The following SNX27 variants were observed in gnomAD, a reference collection of about 807,000 sequenced individuals.
The protein encoded by SNX27 is sorting nexin-27.
SNX27 carries 22 observed loss-of-function variants against 71.6 expected under a neutral mutation model. The observed-to-expected ratio is 0.31, with a 90% CI of 0.22 to 0.44. The LOEUF is 0.44. SNX27 is among the 20% of genes least tolerant of loss of function. The pLI, the probability that SNX27 is intolerant of heterozygous loss-of-function variation, is 1.00. For missense variants in SNX27, 531 were observed against 698.6 expected (o/e 0.76, Z 2.70); for synonymous variants, 269 against 277.2 (o/e 0.97, Z 0.29).
intron 2 of SNX27, among the ~76,000 whole-genome samples, chr1:151,642,450 C>T (rs1438620517): frequency 6.6e-6 from 1 of 151,416 alleles, no homozygotes; most frequent in East Asian, 1.9e-4. Flanking sequence ...TTTTTTAAAA[C>T]AGTATCTTTC....
intron 1 of SNX27, among the ~76,000 whole-genome samples, chr1:151,625,515 A>G (rs73000045): frequency 0.097 from 14,750 of 151,450 alleles, 773 homozygotes; most frequent in South Asian, 0.13. Context: ...CAAAAAAAAA[A>G]AAAGATAAAT....
rs956623837 is a variant in SNX27, at chr1:151,649,910, T to C, written c.544-8325T>C. On this transcript the variant is annotated intron_variant, in intron 2 of 11. Coordinates refer to ENST00000458013, the MANE Select transcript of SNX27 (RefSeq NM_001330723.2). ...ATTTTATTATTTTATTTTTTTGAGA[T>C]GGGGTCTCACTGTGTCTCCCAGGCT... Among the ~76,000 whole-genome samples, 9 of 152,090 alleles carry C rather than the reference T, an allele frequency of 5.9e-5. No individual in the cohort carries two copies. In the South Asian group the frequency reaches 1.0e-3, roughly 18 times the overall value.
intron 1 of SNX27, among the ~76,000 whole-genome samples, chr1:151,617,878 GTTTTTTTTT>G (rs35075644): frequency 1.7e-5 from 2 of 116,388 alleles, no homozygotes; most frequent in Non-Finnish European, 3.6e-5. Context: ...TTTTAGAGCT[GTTTTTTTTT>G]TTTTTTTTTT....
intron 7 of SNX27, among the ~76,000 whole-genome samples, chr1:151,681,233 A>ATTTTTTT (rs1558071789): frequency 2.3e-5 from 2 of 87,370 alleles, no homozygotes; most frequent in Non-Finnish European, 4.5e-5. Flanking sequence ...TAGTCTCTCA[A>ATTTTTTT]TCTTTTTTTT....
At chr1:151,680,936 C>T (rs1430769500) in intron 7 of SNX27, among the ~76,000 whole-genome samples, 1 of 152,144 alleles carries the variant, frequency 6.6e-6, no homozygotes, top group Non-Finnish European at 1.5e-5. Flanking sequence ...GGCTATAATC[C>T]TCGGTGCCTA....
At chr1:151,641,199 G>A (rs1057229603) in intron 2 of SNX27, among the ~76,000 whole-genome samples, 4 of 152,152 alleles carry the variant, frequency 2.6e-5, no homozygotes, top group African/African-American at 9.7e-5. Flanking sequence ...GTAGACATAT[G>A]TTTTCATTGC....
In SNX27 at chr1:151,696,138, A is replaced by G. The variant is rs902565028; in HGVS notation, c.*1721A>G. 6 of 152,234 alleles carry G rather than the reference A, an allele frequency of 3.9e-5. No individual in the cohort carries two copies. Among genetic ancestry groups the G allele is most frequent in the Non-Finnish European group, 8.8e-5 (6 of 68,040 alleles). The allele number at this position is 152,234 out of a possible 1,614,324, so 9.4% of individuals were successfully genotyped here. On this transcript the variant is annotated 3_prime_UTR_variant, in exon 12 of 12. Coordinates refer to ENST00000458013, the MANE Select transcript of SNX27 (RefSeq NM_001330723.2). ...TAAAGAGCTCCTCATCTGATCTTGC[A>G]GCTAGACCCTTTGAGACTTAAGAGC...
At chr1:151,636,666 TAAAAAAA>T (rs11333472) in intron 1 of SNX27, among the ~76,000 whole-genome samples, 1 of 97,562 alleles carries the variant, frequency 1.0e-5, no homozygotes, top group African/African-American at 3.8e-5. Context: ...TCCACTTTTG[TAAAAAAA>T]AAAAAAAAAA....
intron 1 of SNX27, among the ~76,000 whole-genome samples, chr1:151,625,961 T>A (rs1436873331): frequency 1.0e-4 from 15 of 147,794 alleles, no homozygotes; most frequent in South Asian, 6.5e-4. Context: ...AAAAAAAAAA[T>A]AAAATAAAAA....
At position 151,683,238 on chromosome 1, in the gene SNX27, ATGG is replaced by A. The variant is rs1292986889; in HGVS notation, c.1150-113_1150-111del. On this transcript the variant is annotated intron_variant, in intron 7 of 11. Coordinates refer to ENST00000458013, the MANE Select transcript of SNX27 (RefSeq NM_001330723.2). ...CATGTGGCAGAGTTCACTGGTAATG[ATGG>A]TGGTCCAAGTGGATAAGAGATTTTC... The A allele has an allele frequency of 2.6e-5, 18 of 702,654 alleles. No individual in the cohort carries two copies. The African/African-American group carries it at 3.1e-4, about 12-fold the overall frequency. 43.5% of individuals were successfully genotyped at this position (702,654 alleles called of 1,614,324 possible).
intron 2 of SNX27, among the ~76,000 whole-genome samples, chr1:151,645,838 G>A (rs1486372004): frequency 6.6e-6 from 1 of 152,192 alleles, no homozygotes; most frequent in Non-Finnish European, 1.5e-5. Context: ...ATTGCTCCAT[G>A]TTTTGAGTCC....
chr1:151,637,429 C>T (rs913358030), intron 1 of SNX27, among the ~76,000 whole-genome samples: 1 of 152,090 alleles, frequency 6.6e-6, no homozygotes, highest in Non-Finnish European at 1.5e-5. Context: ...CCACCCGCCT[C>T]GGCCTCCCAA....
chr1:151,651,508 T>A (rs1343544036), intron 2 of SNX27, among the ~76,000 whole-genome samples: 1 of 130,226 alleles, frequency 7.7e-6, no homozygotes, highest in Non-Finnish European at 1.6e-5. Context: ...GGGCAGAGGG[T>A]CTCCTCACTT....
In SNX27 at chr1:151,612,175, C is replaced by T. The variant is rs1182794371; in HGVS notation, c.-27C>T. The stretch of plus-strand genomic sequence containing the variant: ...CGGGAGGCCTTGGAGGCGTAGGGGG[C>T]GGGGGTACGGCTCGCCTGCTCGCAA... On this transcript the variant is annotated 5_prime_UTR_variant, in exon 1 of 12. Transcript: ENST00000458013. The surrounding 1 kb of genome is among the most constrained non-coding windows in gnomAD (Gnocchi z 5.2). 3 of 1,324,078 alleles carry T rather than the reference C, an allele frequency of 2.3e-6. No individual in the cohort carries two copies. The South Asian group carries it at 5.8e-5, about 25-fold the overall frequency. The allele number at this position is 1,324,078 out of a possible 1,614,324, so 82.0% of individuals were successfully genotyped here. A position where few individuals can be genotyped will look rare whatever the true frequency, so the allele number is the denominator to read the frequency against.
intron 1 of SNX27, among the ~76,000 whole-genome samples, chr1:151,631,478 C>CG (rs1449020539): frequency 6.6e-5 from 10 of 152,082 alleles, no homozygotes; most frequent in African/African-American, 2.4e-4. Flanking sequence ...AAAATAGAAA[C>CG]AATTTGTAAT....
Position 151,692,963 on chromosome 1 carries a change from A to C in SNX27, c.1442A>C (p.Glu481Ala). The part of the protein sequence containing the change: ...WDEMQRWDTD[E>A]EGMAFCFEYA... ...GAGATGCAGCGATGGGACACAGATG[A>C]AGAAGGGATGGCCTTCTGTTTCGAA... The change falls in exon 10 of 12, where the codon GAA (glutamate) becomes GCA (alanine). Residue 481 changes from glutamate to alanine, a missense_variant. Glu to Ala is a moderately radical substitution (Grantham distance 107). Around this residue, in one of 5 missense-constraint regions of SNX27, gnomAD observed 157 missense variants for 178.4 expected, o/e 0.88. Coordinates refer to ENST00000458013, the MANE Select transcript of SNX27 (RefSeq NM_001330723.2). The C allele has an allele frequency of 6.2e-7, 1 of 1,614,174 alleles. No individual in the cohort carries two copies. Among genetic ancestry groups the C allele is most frequent in the Non-Finnish European group, 8.5e-7 (1 of 1,180,012 alleles).
At chr1:151,613,147 C>T (rs1667270025) in intron 1 of SNX27, 1 of 152,210 alleles carries the variant, frequency 6.6e-6, no homozygotes, top group Non-Finnish European at 1.5e-5. Context: ...CACCGTGTGC[C>T]CCTTTCCTCC....
chr1:151,693,086 G>GT (rs397862798), intron 10 of SNX27, 47 bp downstream of exon 10: 82,458 of 1,346,332 alleles, frequency 0.061, 2,867 homozygotes, highest in East Asian at 0.32. Flanking sequence ...TTGTTTTTTT[G>GT]TTTTTTTTTT....
At position 151,658,293 on chromosome 1, in the gene SNX27, C is replaced by A. The variant is rs761888178; in HGVS notation, c.602C>A (p.Ala201Asp). 6.2e-7 allele frequency: 1 copy of A among 1,614,094 alleles called. No homozygotes were observed. Among genetic ancestry groups the A allele is most frequent in the South Asian group, 1.1e-5 (1 of 91,072 alleles). The change falls in exon 3 of 12, where the codon GCT becomes GAT. Residue 201 changes from alanine (A) to aspartate (D), a missense_variant. Ala to Asp is a moderately radical substitution (Grantham distance 126). This residue lies in a region of SNX27 where 184 missense variants were observed against 289.6 expected (regional missense o/e 0.64). Transcript: ENST00000458013. ...QLCSKRYREF[A>D]ILHQNLKREF... ...TGTTCTAAGCGGTACCGGGAGTTTG[C>A]TATCCTACACCAGAACCTGAAGAGA...
Sources: allele counts gnomAD v4.1 joint callset (sites outside exome capture counted in the v4.1 genomes callset), GRCh38; gene constraint gnomAD v4.1.1; regional missense constraint gnomAD v4.1.1; non-coding constraint Gnocchi (gnomAD v3.1); transcripts MANE v1.5; gene names NCBI Gene and HGNC (gene_info 2026-07-23, HGNC 2026-07-21).